UCKL1: variants seen among roughly 807,000 people sequenced by gnomAD.
UCKL1 encodes the protein uridine-cytidine kinase-like 1.
In UCKL1, 65 loss-of-function variants were observed where a neutral mutation model predicts 59.2. That is an observed-to-expected ratio of 1.10 (90% CI 0.90 to 1.35). The LOEUF is 1.35. UCKL1 is among the 40% of genes most tolerant of loss of function. The pLI is 0.00. For missense variants in UCKL1, 703 were observed against 784.3 expected, an observed-to-expected ratio of 0.90 and a Z score of 1.24; for synonymous variants, 410 against 323.1, an observed-to-expected ratio of 1.27 and a Z score of -2.88.
intron 1 of UCKL1, chr20:63,954,689 G>A (rs992369796): frequency 1.3e-5 from 2 of 152,222 alleles, no homozygotes; most frequent in African/African-American, 2.4e-5. Context: ...GCAGTTCCAG[G>A]GCAGACCGGG....
chr20:63,949,537 G>C (rs960473563), intron 1 of UCKL1, among the ~76,000 whole-genome samples: 1 of 152,190 alleles, frequency 6.6e-6, no homozygotes, highest in Non-Finnish European at 1.5e-5. Flanking sequence ...GTCACCCCCG[G>C]GGCCACCCCT....
intron 1 of UCKL1, chr20:63,950,773 A>C: frequency 1.9e-6 from 3 of 1,538,468 alleles, no homozygotes; most frequent in Non-Finnish European, 2.6e-6. Context: ...CTTCTGCTCC[A>C]AGGGCCCGGC....
chr20:63,950,146 A>G (rs1446246156), intron 1 of UCKL1, among the ~76,000 whole-genome samples: 2 of 152,212 alleles, frequency 1.3e-5, no homozygotes, highest in Non-Finnish European at 1.5e-5. Flanking sequence ...ACGATCTGCC[A>G]GAAGCCCGCC....
At chr20:63,942,520 A>T (rs2054867145) in intron 8 of UCKL1, 3 of 1,161,196 alleles carry the variant, frequency 2.6e-6, no homozygotes, top group Non-Finnish European at 3.3e-6. Context: ...ATGTTCAGGG[A>T]GGGAACAAGG....
intron 13 of UCKL1, 27 bp downstream of exon 13, chr20:63,940,351 T>C: frequency 5.6e-6 from 9 of 1,611,722 alleles, no homozygotes; most frequent in Non-Finnish European, 7.6e-6. Flanking sequence ...TGCCTGAACC[T>C]GCCCCGCCTA....
intron 1 of UCKL1, chr20:63,948,580 T>TGTGTGAGGGAGGGGC (rs2056917987): frequency 4.0e-4 from 5 of 12,606 alleles, no homozygotes; most frequent in African/African-American, 1.4e-3. Context: ...AGGGAGGGGA[T>TGTGTGAGGGAGGGGC]GTGTGTGAGA....
At chr20:63,946,848 C>T (rs1055800044) in intron 1 of UCKL1, among the ~76,000 whole-genome samples, 3 of 151,914 alleles carry the variant, frequency 2.0e-5, no homozygotes, top group Admixed American at 2.0e-4. Flanking sequence ...GAGGCCGAGG[C>T]AGGTGGATCA....
chr20:63,944,229 G>T (rs1193068762), intron 7 of UCKL1, among the ~76,000 whole-genome samples, 168 bp downstream of exon 7: 1 of 152,244 alleles, frequency 6.6e-6, no homozygotes, highest in African/African-American at 2.4e-5. Flanking sequence ...TGGGGTCTGG[G>T]CTGGACAATC....
In UCKL1 at chr20:63,946,640, G is replaced by A. The variant is rs1258513454; in HGVS notation, c.117C>T (p.Ser39=). ...EKSETACEDR[S]NAESLDRLLP... ...GGAGCCTGTCCAGGGACTCTGCATT[G>A]CTGCTGCAGAGAGGGATGTACTCGG... Residue 39 remains serine, a synonymous_variant, in exon 2 of 15, where the codon AGC becomes AGT. Transcript: ENST00000354216. 3 of 1,607,270 alleles carry A rather than the reference G, an allele frequency of 1.9e-6. No homozygotes were observed. Among genetic ancestry groups the A allele is most frequent in the Non-Finnish European group, 2.5e-6 (3 of 1,179,646 alleles).
rs2054849431 is a variant in UCKL1, at chr20:63,942,461, A to G, written c.923+1192T>C. ...GTCACACAGCAGCACCACGGAGCAC[A>G]CTGCTCACATATCCCAACGTAGCTT... On this transcript the variant is annotated intron_variant, in intron 8 of 14. Transcript: ENST00000354216. 2.6e-6 allele frequency: 3 copies of G among 1,175,950 alleles called. No homozygotes were observed. The Admixed American group carries it at 1.2e-4, about 46-fold the overall frequency. 72.8% of individuals were successfully genotyped at this position (1,175,950 alleles called of 1,614,324 possible).
chr20:63,944,882 G>T, intron 5 of UCKL1, 148 bp from the exon 6 acceptor site: 1 of 1,017,734 alleles, frequency 9.8e-7, no homozygotes, highest in Non-Finnish European at 1.4e-6. Flanking sequence ...GAGGAGTGGG[G>T]AGGTGGGGGT....
intron 3 of UCKL1, 23 bp downstream of exon 3, chr20:63,946,138 G>GGGGGAGCT: frequency 6.2e-7 from 1 of 1,610,098 alleles, no homozygotes; most frequent in African/African-American, 1.3e-5. Flanking sequence ...AGGGGTCCTC[G>GGGGGAGCT]GGGGAGCTGG....
chr20:63,940,340 C>G, intron 13 of UCKL1, 34 bp from the exon 14 acceptor site: 5 of 1,611,838 alleles, frequency 3.1e-6, no homozygotes, highest in Non-Finnish European at 4.2e-6. Flanking sequence ...AATCCCACCT[C>G]TGCCTGAACC....
chr20:63,944,477 G>A lies in UCKL1; in HGVS notation c.845-19C>T, dbSNP rs367902802. ...CCGCTCCCTGGGGCGGGATGGGGGG[G>A]CGGGTGACCGGGGGCTGGGCCGTTG... On this transcript the variant is annotated intron_variant, in intron 6 of 14. Coordinates refer to ENST00000354216, the MANE Select transcript of UCKL1 (RefSeq NM_017859.4). 13 of 1,576,548 alleles carry A rather than the reference G, an allele frequency of 8.2e-6. No homozygotes were observed. In the African/African-American group the frequency reaches 1.1e-4, roughly 13 times the overall value.
At chr20:63,950,988 T>C in intron 1 of UCKL1, 1 of 1,309,244 alleles carries the variant, frequency 7.6e-7, no homozygotes, top group Non-Finnish European at 9.7e-7. Context: ...GGCCCTTCCA[T>C]GGGCAGGACC....
intron 1 of UCKL1, among the ~76,000 whole-genome samples, chr20:63,948,009 T>C (rs62218082): frequency 6.6e-6 from 1 of 151,954 alleles, no homozygotes; most frequent in Non-Finnish European, 1.5e-5. Flanking sequence ...TGGGGGGGCA[T>C]CAACGTGGCG....
rs764520608 is a variant in UCKL1, at chr20:63,940,953, A to G, written c.1113T>C (p.Phe371=). 2.6e-6 allele frequency: 4 copies of G among 1,520,816 alleles called. No individual in the cohort carries two copies. The highest frequency in any genetic ancestry group is 3.5e-6 in the Non-Finnish European group (4 of 1,133,016). The allele number at this position is 1,520,816 out of a possible 1,614,324, so 94.2% of individuals were successfully genotyped here. A position where few individuals can be genotyped will look rare whatever the true frequency, so the allele number is the denominator to read the frequency against. The change falls in exon 10 of 15, where the codon TTT becomes TTC. Residue 371 remains phenylalanine, a synonymous_variant. Coordinates refer to ENST00000354216, the MANE Select transcript of UCKL1 (RefSeq NM_017859.4). The part of the protein sequence containing the change: ...LIEHALSFLP[F]QDCVVQTPQG... ...TCGCGGGCTACGGGCTACGAACCTG[A>G]AAGGGCAGGAAGGAGAGCGCGTGCT...
At chr20:63,952,763 C>T (rs2057866500) in intron 1 of UCKL1, among the ~76,000 whole-genome samples, 1 of 152,242 alleles carries the variant, frequency 6.6e-6, no homozygotes, top group Admixed American at 6.5e-5. Flanking sequence ...TTGCCCTTCC[C>T]TCACCTTCAG....
At chr20:63,949,900 A>G (rs1195412333) in intron 1 of UCKL1, among the ~76,000 whole-genome samples, 1 of 152,238 alleles carries the variant, frequency 6.6e-6, no homozygotes, top group Non-Finnish European at 1.5e-5. Flanking sequence ...AGGGACAGAC[A>G]CCAGACGGCA....
Sources: gnomAD v4.1 joint callset for allele counts (sites outside exome capture counted in the v4.1 genomes callset) on GRCh38, gnomAD v4.1.1 for gene constraint, MANE v1.5 for transcripts, NCBI Gene and HGNC (gene_info 2026-07-23, HGNC 2026-07-21) for gene names.